The following TPCN2 variants were observed in gnomAD, a reference collection of about 807,000 sequenced individuals.
The protein encoded by TPCN2 is two pore segment channel 2, also known as two pore channel protein 2.
A neutral mutation model predicts 111.4 loss-of-function variants in TPCN2; 92 were observed. The observed-to-expected ratio is 0.83, with a 90% CI of 0.70 to 0.98. The LOEUF (loss-of-function observed/expected upper bound fraction) is 0.98. Among genes scored for constraint, TPCN2 ranks in the 50% least tolerant of loss-of-function variants. TPCN2 has a pLI of 0.00. For synonymous variants in TPCN2, 405 were observed against 414.5 expected (o/e 0.98, Z 0.28); for missense variants, 995 against 980.1 (o/e 1.02, Z -0.20).
chr11:69,062,217 G>A (rs1159463558), intron 5 of TPCN2, among the ~76,000 whole-genome samples: 1 of 152,116 alleles, frequency 6.6e-6, no homozygotes, highest in Non-Finnish European at 1.5e-5. Flanking sequence ...TGCAGGGAGG[G>A]TACCAGGCTA....
chr11:69,080,323 C>G (rs1855951641), intron 17 of TPCN2, among the ~76,000 whole-genome samples: 1 of 152,250 alleles, frequency 6.6e-6, no homozygotes, highest in Non-Finnish European at 1.5e-5. Flanking sequence ...CATCGCCTCC[C>G]ACTCTGGACA....
Position 69,089,483 on chromosome 11 carries a change from C to T in TPCN2, c.*1530C>T, listed in dbSNP as rs1372280776. ...GTGGCTCCGTCTCCCTGGGCTTAGA[C>T]GACCTTGGCACTTCTGGAGATAAGC... On this transcript the variant is annotated 3_prime_UTR_variant, in exon 25 of 25. Coordinates refer to ENST00000294309, the MANE Select transcript of TPCN2 (RefSeq NM_139075.4). The T allele has an allele frequency of 2.6e-5, 4 of 152,274 alleles. No individual in the cohort carries two copies. Among genetic ancestry groups the T allele is most frequent in the South Asian group, 2.1e-4 (1 of 4,834 alleles). 9.4% of individuals were successfully genotyped at this position (152,274 alleles called of 1,614,324 possible). A position where few individuals can be genotyped will look rare whatever the true frequency, so the allele number is the denominator to read the frequency against.
intron 15 of TPCN2, 42 bp from the exon 16 acceptor site, chr11:69,078,850 G>A (rs1855896552): frequency 6.2e-7 from 1 of 1,613,962 alleles, no homozygotes; most frequent in Non-Finnish European, 8.5e-7. Flanking sequence ...AGTGCTGGCA[G>A]CCCTGGGGCC....
At position 69,089,366 on chromosome 11, in the gene TPCN2, C is replaced by G. The variant is rs1034182802; in HGVS notation, c.*1413C>G. 13 of 152,272 alleles carry G rather than the reference C, an allele frequency of 8.5e-5. No homozygotes were observed. The highest frequency in any genetic ancestry group is 3.1e-4 in the African/African-American group (13 of 41,466). 9.4% of individuals were successfully genotyped at this position (152,272 alleles called of 1,614,324 possible). ...GTGGTTGCCGTTCTGGCCCTGCACC[C>G]TCTGTGCTTTGGGACGGCGTCCAAC... On this transcript the variant is annotated 3_prime_UTR_variant, in exon 25 of 25. Coordinates refer to ENST00000294309, the MANE Select transcript of TPCN2 (RefSeq NM_139075.4).
chr11:69,056,636 T>C (rs11228465), intron 4 of TPCN2, among the ~76,000 whole-genome samples: 11,096 of 151,898 alleles, frequency 0.073, 1,403 homozygotes, highest in African/African-American at 0.25. Flanking sequence ...TGGGTTTAGG[T>C]GATTCTCCTG....
chr11:69,059,949 T>C (rs965637970), intron 5 of TPCN2, among the ~76,000 whole-genome samples: 1 of 152,074 alleles, frequency 6.6e-6, no homozygotes, highest in Non-Finnish European at 1.5e-5. Flanking sequence ...GTGGAGGGAG[T>C]TAGGAGCAGG....
intron 7 of TPCN2, among the ~76,000 whole-genome samples, chr11:69,065,006 G>C (rs901416358): frequency 1.3e-5 from 2 of 149,984 alleles, no homozygotes; most frequent in Non-Finnish European, 2.9e-5. Context: ...TGTGGTGTCT[G>C]TGTGCATGGT....
chr11:69,057,823 C>T (rs537905509), intron 5 of TPCN2, 129 bp downstream of exon 5: 8 of 745,990 alleles, frequency 1.1e-5, no homozygotes, highest in South Asian at 6.1e-5. Context: ...GCACTGCCCA[C>T]CTCCCATGGC....
intron 24 of TPCN2, 94 bp from the exon 25 acceptor site, chr11:69,087,781 A>G (rs941770108): frequency 2.1e-6 from 2 of 946,686 alleles, no homozygotes; most frequent in Non-Finnish European, 3.2e-6. Context: ...CTCACTTCGC[A>G]TGTGTTGCTA....
At chr11:69,069,210 A>G (rs1430610818) in intron 8 of TPCN2, among the ~76,000 whole-genome samples, 2 of 131,352 alleles carry the variant, frequency 1.5e-5, no homozygotes, top group Admixed American at 7.5e-5. Flanking sequence ...GGGGAGCAGG[A>G]CCGTCTGAGT....
intron 19 of TPCN2, 150 bp downstream of exon 19, chr11:69,084,166 A>T (rs1417121113): frequency 2.5e-6 from 2 of 803,276 alleles, no homozygotes; most frequent in East Asian, 5.3e-5. Flanking sequence ...CCAGGGAAGT[A>T]CAGGGTCGGG....
intron 5 of TPCN2, among the ~76,000 whole-genome samples, chr11:69,059,338 C>T (rs545200603): frequency 3.3e-5 from 5 of 152,106 alleles, no homozygotes; most frequent in Non-Finnish European, 7.4e-5. Context: ...TATGGTCCAG[C>T]GTGTGTCCCG....
chr11:69,085,171 T>G, intron 19 of TPCN2, 39 bp from the exon 20 acceptor site: 2 of 1,589,022 alleles, frequency 1.3e-6, no homozygotes, highest in Non-Finnish European at 1.7e-6. Flanking sequence ...GGTGCACCCA[T>G]GGGTGGGGCT....
intron 23 of TPCN2, 125 bp downstream of exon 23, chr11:69,086,729 G>C: frequency 1.1e-6 from 1 of 912,768 alleles, no homozygotes; most frequent in Non-Finnish European, 1.7e-6. Flanking sequence ...TGGGTTAGGC[G>C]GGTCCTGAGT....
chr11:69,085,574 G>A, intron 20 of TPCN2, 97 bp from the exon 21 acceptor site: 5 of 876,202 alleles, frequency 5.7e-6, no homozygotes, highest in Non-Finnish European at 9.3e-6. Flanking sequence ...GTACCTTCAG[G>A]CCAGGCTGAG....
At chr11:69,080,256 C>T (rs1855948606) in intron 17 of TPCN2, among the ~76,000 whole-genome samples, 1 of 152,346 alleles carries the variant, frequency 6.6e-6, no homozygotes, top group African/African-American at 2.4e-5. Context: ...CGGCTGGGCC[C>T]CTCTGCTGGC....
At chr11:69,062,244 C>T (rs902423175) in intron 5 of TPCN2, among the ~76,000 whole-genome samples, 1 of 152,122 alleles carries the variant, frequency 6.6e-6, no homozygotes, top group Non-Finnish European at 1.5e-5. Flanking sequence ...AGGGATCCAC[C>T]CCACGACCCA....
intron 19 of TPCN2, 53 bp from the exon 20 acceptor site, chr11:69,085,157 G>C: frequency 5.9e-6 from 9 of 1,519,310 alleles, no homozygotes; most frequent in Non-Finnish European, 8.2e-6. Flanking sequence ...GGAGGGTGGT[G>C]GTGGGTGCAC....
chr11:69,078,580 G>T lies in TPCN2; in HGVS notation c.1329G>T (p.Leu443=), dbSNP rs773165283. ...YFDYLGNLIA[L]ANLVSICVFL... is the part of the protein sequence containing the mutation. ...ACTACCTGGGGAACCTCATCGCCCT[G>T]GCAAACCTGGTGTCCATTTGCGTGA... Residue 443 remains leucine, a synonymous_variant, in exon 14 of 25, where the codon CTG becomes CTT. Transcript: ENST00000294309. 1.1e-5 allele frequency: 18 copies of T among 1,613,940 alleles called. No individual in the cohort carries two copies. The South Asian group carries it at 2.0e-4, about 18-fold the overall frequency.
Sources: allele counts gnomAD v4.1 joint callset (sites outside exome capture counted in the v4.1 genomes callset), GRCh38; gene constraint gnomAD v4.1.1; transcripts MANE v1.5; gene names NCBI Gene and HGNC (gene_info 2026-07-23, HGNC 2026-07-21).